MAML1: variants seen among roughly 807,000 people sequenced by gnomAD.
The protein encoded by MAML1 is mastermind like transcriptional coactivator 1.
A neutral mutation model predicts 77.1 loss-of-function variants in MAML1; 14 were observed. That is an observed-to-expected ratio of 0.18 (90% CI 0.12 to 0.28). The LOEUF (loss-of-function observed/expected upper bound fraction) is 0.28, where lower values mean the gene tolerates loss of function less well. Among genes scored for constraint, MAML1 ranks in the 10% least tolerant of loss-of-function variants. MAML1 has a pLI of 1.00. For missense variants in MAML1, 1,217 were observed against 1,327.8 expected, an observed-to-expected ratio of 0.92 and a Z score of 1.30; for synonymous variants, 516 against 551.9, an observed-to-expected ratio of 0.93 and a Z score of 0.91.
chr5:179,737,143 C>G (rs988171519), intron 1 of MAML1, among the ~76,000 whole-genome samples: 14 of 152,090 alleles, frequency 9.2e-5, no homozygotes, highest in Middle Eastern at 3.4e-3. Context: ...GTCAGTCATT[C>G]CTTTTGATAT....
intron 1 of MAML1, among the ~76,000 whole-genome samples, chr5:179,758,264 C>G (rs1304656835): frequency 1.3e-5 from 2 of 152,094 alleles, no homozygotes; most frequent in Non-Finnish European, 2.9e-5. Context: ...TCTTATCATG[C>G]TGAGTGGTTT....
intron 1 of MAML1, among the ~76,000 whole-genome samples, chr5:179,764,031 T>C (rs1779767273): frequency 6.6e-6 from 1 of 152,204 alleles, no homozygotes; most frequent in South Asian, 2.1e-4. Flanking sequence ...CTGCAGCACA[T>C]GCAGGTGAGG....
chr5:179,767,913 G>A (rs1358267677), intron 2 of MAML1, among the ~76,000 whole-genome samples: 6 of 152,202 alleles, frequency 3.9e-5, no homozygotes, highest in Admixed American at 3.9e-4. Context: ...CAGTAATGAC[G>A]GGATAATATT....
Position 179,771,317 on chromosome 5 carries a change from C to T in MAML1, c.2068+74C>T, listed in dbSNP as rs1360065680. On this transcript the variant is annotated intron_variant, in intron 4 of 4. Transcript: ENST00000292599. The surrounding 1 kb of genome is among the most constrained non-coding windows in gnomAD (Gnocchi z 4.7). ...GTGCTGGTTGAATCCCTGCTGTCTG[C>T]CCAGCTCTATGCCTTGACTTCATCA... The T allele has an allele frequency of 1.5e-5, 19 of 1,298,726 alleles. No individual in the cohort carries two copies. Among genetic ancestry groups the T allele is most frequent in the African/African-American group, 7.3e-5 (5 of 68,616 alleles). The allele number at this position is 1,298,726 out of a possible 1,614,324, so 80.5% of individuals were successfully genotyped here.
chr5:179,762,951 T>C (rs1779749378), intron 1 of MAML1, among the ~76,000 whole-genome samples: 3 of 152,256 alleles, frequency 2.0e-5, no homozygotes, highest in Middle Eastern at 3.2e-3. Context: ...GGAACTTGTC[T>C]GCAGCTGTTT....
In MAML1 at chr5:179,765,790, G is replaced by C. The variant is rs1217879808; in HGVS notation, c.780G>C (p.Arg260Ser). The C allele has an allele frequency of 6.2e-7, 1 of 1,614,216 alleles. No individual in the cohort carries two copies. Among genetic ancestry groups the C allele is most frequent in the Non-Finnish European group, 8.5e-7 (1 of 1,180,040 alleles). The change falls in exon 2 of 5, where the codon AGG becomes AGC. Residue 260 changes from arginine to serine, a missense_variant. Arg to Ser is a moderately radical substitution (Grantham distance 110). Coordinates refer to ENST00000292599, the MANE Select transcript of MAML1 (RefSeq NM_014757.5). ...EWKELIEELN[R>S]SVPDEDMKDL... is the part of the protein sequence containing the mutation. ...AGGAGCTCATCGAGGAGCTGAACAG[G>C]TCGGTGCCCGATGAAGACATGAAGG...
intron 1 of MAML1, among the ~76,000 whole-genome samples, chr5:179,754,799 T>G (rs1439685374): frequency 2.0e-5 from 3 of 152,136 alleles, no homozygotes; most frequent in African/African-American, 7.2e-5. Context: ...CTGATGCTAC[T>G]GGCCTGGGAT....
At chr5:179,741,683 CAAAA>C (rs10617185) in intron 1 of MAML1, among the ~76,000 whole-genome samples, 9 of 89,302 alleles carry the variant, frequency 1.0e-4, no homozygotes, top group Admixed American at 1.3e-4. Flanking sequence ...GAGACTGTCT[CAAAA>C]AAAAAAAAAA....
rs61748800 is a variant in MAML1 at position 179,774,539 on chromosome 5, C to G, written c.2713C>G (p.Pro905Ala). 5.2e-3 allele frequency: 8,368 copies of G among 1,613,042 alleles called. 26 individuals are homozygous for G. Among genetic ancestry groups the G allele is most frequent in the Admixed American group, 0.014 (856 of 60,014 alleles). ...AGCTGCCGTGGGGTCCTTGCTACCCCCAGTGAGTGCACAGCAGAGGACCAG... is the reference window on the plus strand; with the variant it reads ...AGCTGCCGTGGGGTCCTTGCTACCCGCAGTGAGTGCACAGCAGAGGACCAG... ...SAAAVGSLLP[P>A]VSAQQRTSAP... is the part of the protein sequence containing the mutation. Residue 905 changes from proline to alanine, a missense_variant, in exon 5 of 5, where the codon CCA becomes GCA. By Grantham distance (27) the Pro-to-Ala change is conservative (BLOSUM62 -1). Transcript: ENST00000292599.
intron 1 of MAML1, among the ~76,000 whole-genome samples, chr5:179,742,903 C>T (rs556420595): frequency 8.8e-4 from 134 of 152,260 alleles, no homozygotes; most frequent in African/African-American, 3.2e-3. Flanking sequence ...CTTTGATTTC[C>T]TTTAGGGCAC....
At chr5:179,768,493 G>A (rs73342183) in intron 2 of MAML1, among the ~76,000 whole-genome samples, 3,171 of 152,264 alleles carry the variant, frequency 0.021, 131 homozygotes, top group African/African-American at 0.073. Flanking sequence ...CTATTGGCCC[G>A]CTCTGCACTC....
chr5:179,766,417 T>A lies in MAML1; in HGVS notation c.1407T>A (p.Ser469Arg), dbSNP rs1779820426. ...ACTCCAAACTGCTCATGATGCCTAG[T>A]GTGAATAAGAGTTCCCCTCGGCCCG... The part of the protein sequence containing the change: ...FTNSKLLMMP[S>R]VNKSSPRPGG... Residue 469 changes from serine (S) to arginine (R), a missense_variant, in exon 2 of 5, where the codon AGT becomes AGA. Ser to Arg is a moderately radical substitution (Grantham distance 110). Coordinates refer to ENST00000292599, the MANE Select transcript of MAML1 (RefSeq NM_014757.5). This position sits in a 1 kb window ranked among gnomAD's most constrained non-coding sequence, Gnocchi z 4.0. The A allele has an allele frequency of 3.7e-6, 6 of 1,612,876 alleles. No individual in the cohort carries two copies. The highest frequency in any genetic ancestry group is 5.1e-6 in the Non-Finnish European group (6 of 1,179,422).
intron 1 of MAML1, among the ~76,000 whole-genome samples, chr5:179,743,436 G>A (rs554911093): frequency 3.6e-5 from 5 of 140,162 alleles, no homozygotes; most frequent in South Asian, 2.3e-4. Context: ...GTGTGATCTC[G>A]GCTCACTGCA....
intron 1 of MAML1, among the ~76,000 whole-genome samples, chr5:179,737,951 C>T (rs1009855401): frequency 9.5e-5 from 12 of 126,614 alleles, no homozygotes; most frequent in South Asian, 7.2e-4. Flanking sequence ...TGTGCACCAC[C>T]GCACCCGGCT....
intron 1 of MAML1, among the ~76,000 whole-genome samples, chr5:179,763,100 G>A (rs1779751086): frequency 6.6e-6 from 1 of 152,144 alleles, no homozygotes; most frequent in African/African-American, 2.4e-5. Flanking sequence ...TTTCCCCTAG[G>A]AAGATGGAAA....
Position 179,775,158 on chromosome 5 carries a change from C to T in MAML1, c.*281C>T, listed in dbSNP as rs1756107522. 2.6e-6 allele frequency: 3 copies of T among 1,144,382 alleles called. No homozygotes were observed. In the African/African-American group the frequency reaches 4.8e-5, roughly 18 times the overall value. 70.9% of individuals were successfully genotyped at this position (1,144,382 alleles called of 1,614,324 possible). ...TAAAGGTGGTTTTCTATCCAAACGA[C>T]CAAAAAACCAACAGTAACACCAGTG... On this transcript the variant is annotated 3_prime_UTR_variant, in exon 5 of 5. Transcript: ENST00000292599.
Position 179,771,176 on chromosome 5 carries a change from C to G in MAML1, c.2001C>G (p.Thr667=). Residue 667 remains threonine, a synonymous_variant, in exon 4 of 5, where the codon ACC becomes ACG. Transcript: ENST00000292599. This position sits in a 1 kb window ranked among gnomAD's most constrained non-coding sequence, Gnocchi z 4.7. ...AGCAACAGTTTCAGCGCCATCTGAC[C>G]CGCCCACCACCCCAGTACCAAGACC... ...QEKQQFQRHL[T]RPPPQYQDPT... 2 of 1,614,008 alleles carry G rather than the reference C, an allele frequency of 1.2e-6. No homozygotes were observed. The highest frequency in any genetic ancestry group is 1.1e-5 in the South Asian group (1 of 91,068).
chr5:179,768,729 T>C, intron 2 of MAML1, 121 bp from the exon 3 acceptor site: 1 of 1,279,422 alleles, frequency 7.8e-7, no homozygotes, highest in South Asian at 1.4e-5. Flanking sequence ...TGGTTGTTAT[T>C]CGAGGTCAGA....
At position 179,765,877 on chromosome 5, in the gene MAML1, A is replaced by G. The variant is rs967627602; in HGVS notation, c.867A>G (p.Gln289=). Residue 289 remains glutamine, a synonymous_variant, in exon 2 of 5, where the codon CAA becomes CAG. Coordinates refer to ENST00000292599, the MANE Select transcript of MAML1 (RefSeq NM_014757.5). ...CAGAGTCTTCTGGCTCTGCCACACA[A>G]ACCCCCTTGGCACAGGACATTAATA... is the stretch of plus-strand genomic sequence containing the variant. ...KDPESSGSAT[Q]TPLAQDINIK... is the part of the protein sequence containing the mutation. 5.6e-6 allele frequency: 9 copies of G among 1,614,012 alleles called. No individual in the cohort carries two copies. The highest frequency in any genetic ancestry group is 6.8e-6 in the Non-Finnish European group (8 of 1,180,026).
Sources: allele counts gnomAD v4.1 joint callset (sites outside exome capture counted in the v4.1 genomes callset), GRCh38; gene constraint gnomAD v4.1.1; non-coding constraint Gnocchi (gnomAD v3.1); transcripts MANE v1.5; gene names NCBI Gene and HGNC (gene_info 2026-07-23, HGNC 2026-07-21).